MOBP: variants seen among roughly 807,000 people sequenced by gnomAD.
MOBP encodes the protein myelin-associated oligodendrocyte basic protein.
In MOBP, 5 loss-of-function variants were observed where a neutral mutation model predicts 15.0. The ratio of observed to expected loss-of-function variants is 0.33; its 90% CI spans 0.17 to 0.70. The LOEUF is 0.70. Among genes scored for constraint, MOBP ranks in the 30% least tolerant of loss-of-function variants. MOBP has a pLI of 0.67. For synonymous variants in MOBP, 88 were observed against 99.0 expected, an observed-to-expected ratio of 0.89 and a Z score of 0.66; for missense variants, 188 against 257.8, an observed-to-expected ratio of 0.73 and a Z score of 1.85.
At chr3:39,507,247 GTTC>G (rs1386788724), downstream of MOBP, among the ~76,000 whole-genome samples, 4 of 152,144 alleles carry the variant, frequency 2.6e-5, no homozygotes, top group East Asian at 1.9e-4. Context: ...TACAAAACTT[GTTC>G]TTCTTTTTGT....
At chr3:39,500,128 G>A (rs1007558192) in intron 2 of MOBP, 2 of 453,944 alleles carry the variant, frequency 4.4e-6, no homozygotes, top group African/African-American at 4.0e-5. Context: ...TCAGTGACTT[G>A]TACTTATTTG....
downstream of MOBP, among the ~76,000 whole-genome samples, chr3:39,506,193 A>G (rs958072958): frequency 2.0e-5 from 3 of 151,976 alleles, no homozygotes; most frequent in Admixed American, 6.6e-5. Flanking sequence ...GCTCTCTCAT[A>G]TTGACTGTTT....
exon 5 of MOBP, chr3:39,515,596 C>T (rs1466266154): frequency 6.6e-6 from 1 of 152,114 alleles, no homozygotes; most frequent in Non-Finnish European, 1.5e-5. Context: ...ACTTTCTTGC[C>T]TTCTTTCTAT....
chr3:39,521,729 T>C (rs2043269359), intron 3 of MOBP, among the ~76,000 whole-genome samples: 1 of 150,830 alleles, frequency 6.6e-6, no homozygotes, highest in Non-Finnish European at 1.5e-5. Flanking sequence ...GACTCAAAAA[T>C]GAAAATGTCC....
At chr3:39,522,421 A>G (rs1289469391) in intron 3 of MOBP, among the ~76,000 whole-genome samples, 4 of 152,160 alleles carry the variant, frequency 2.6e-5, no homozygotes, top group Non-Finnish European at 5.9e-5. Context: ...CCATGGCTTT[A>G]CACCTTGATG....
At chr3:39,494,515 T>G (rs1048659009) in intron 2 of MOBP, among the ~76,000 whole-genome samples, 1 of 152,164 alleles carries the variant, frequency 6.6e-6, no homozygotes, top group African/African-American at 2.4e-5. Context: ...TTATCTTTGC[T>G]TGCAATTAGG....
At chr3:39,476,330 T>G in intron 1 of MOBP, among the ~76,000 whole-genome samples, 1 of 152,226 alleles carries the variant, frequency 6.6e-6, no homozygotes, top group East Asian at 1.9e-4. Context: ...AAACCATATC[T>G]GGTGTATTTC....
chr3:39,518,721 C>T (rs2043230671), downstream of MOBP, among the ~76,000 whole-genome samples: 1 of 152,174 alleles, frequency 6.6e-6, no homozygotes, highest in African/African-American at 2.4e-5. Context: ...GTTGGGCAGT[C>T]ATTCAGAGAA....
chr3:39,491,750 GTT>G (rs2042798451), intron 2 of MOBP, among the ~76,000 whole-genome samples: 1 of 152,126 alleles, frequency 6.6e-6, no homozygotes, highest in South Asian at 2.1e-4. Context: ...AGAAAGAAGA[GTT>G]TTTCTAGCCA....
At chr3:39,504,989 A>G (rs1213114880), downstream of MOBP, among the ~76,000 whole-genome samples, 2 of 152,386 alleles carry the variant, frequency 1.3e-5, no homozygotes, top group East Asian at 3.9e-4. Flanking sequence ...AAACCAGAGA[A>G]TGATTTAATC....
At chr3:39,513,489 C>T (rs538695337) in exon 5 of MOBP, 2 of 1,482,400 alleles carry the variant, frequency 1.3e-6, no homozygotes, top group African/African-American at 2.8e-5. Flanking sequence ...AACCCATCTA[C>T]CCCTGGATGA....
downstream of MOBP, among the ~76,000 whole-genome samples, chr3:39,516,990 C>G (rs570524051): frequency 3.0e-4 from 45 of 152,272 alleles, no homozygotes; most frequent in African/African-American, 1.0e-3. Flanking sequence ...TGGAGGGGCC[C>G]TGGGAGGGCT....
At position 39,502,914 on chromosome 3, in the gene MOBP, G is replaced by C; in HGVS notation, c.*34G>C. 3.1e-6 allele frequency: 3 copies of C among 974,768 alleles called. No individual in the cohort carries two copies. The highest frequency in any genetic ancestry group is 1.5e-6 in the Non-Finnish European group (1 of 674,588). The allele number at this position is 974,768 out of a possible 1,614,324, so 60.4% of individuals were successfully genotyped here. A position where few individuals can be genotyped will look rare whatever the true frequency, so the allele number is the denominator to read the frequency against. ...CTTCCCTTTTGTTCCCCAGCCCTAA[G>C]GTTAGTAGTTGCTTCCTGTGTTTAC... On this transcript the variant is annotated 3_prime_UTR_variant, in exon 4 of 4. Coordinates refer to ENST00000684792, the MANE Select transcript of MOBP (RefSeq NM_001393704.1). This position sits in a 1 kb window ranked among gnomAD's most constrained non-coding sequence, Gnocchi z 6.3.
Position 39,502,926 on chromosome 3 carries a change from C to A in MOBP, c.*46C>A. 3.4e-6 allele frequency: 3 copies of A among 890,914 alleles called. No homozygotes were observed. The highest frequency in any genetic ancestry group is 5.0e-6 in the Non-Finnish European group (3 of 599,388). The allele number at this position is 890,914 out of a possible 1,614,324, so 55.2% of individuals were successfully genotyped here. On this transcript the variant is annotated 3_prime_UTR_variant, in exon 4 of 4. Coordinates refer to ENST00000684792, the MANE Select transcript of MOBP (RefSeq NM_001393704.1). This position sits in a 1 kb window ranked among gnomAD's most constrained non-coding sequence, Gnocchi z 6.3. ...TCCCCAGCCCTAAGGTTAGTAGTTG[C>A]TTCCTGTGTTTACTAACACCGGGCT...
chr3:39,486,089 A>G (rs2042703699), intron 2 of MOBP, among the ~76,000 whole-genome samples: 1 of 152,176 alleles, frequency 6.6e-6, no homozygotes, highest in Non-Finnish European at 1.5e-5. Flanking sequence ...TAGTTTATAA[A>G]AGAGTCTCTA....
chr3:39,524,008 G>A (rs991554317), intron 3 of MOBP, among the ~76,000 whole-genome samples: 1 of 152,114 alleles, frequency 6.6e-6, no homozygotes, highest in African/African-American at 2.4e-5. Flanking sequence ...ATAATCTAAA[G>A]GTTTAGCACA....
chr3:39,502,601 CA>C lies in MOBP; in HGVS notation c.274del (p.Arg92GlufsTer136), dbSNP rs1270451281. 1 of 1,565,210 alleles carries C rather than the reference CA, an allele frequency of 6.4e-7. No homozygotes were observed. The highest frequency in any genetic ancestry group is 1.4e-5 in the African/African-American group (1 of 73,992). Reference protein sequence around the residue: ...QQPAAPPAVVRAPAKPRSPPR... With the variant: ...QQPAAPPAVVXAPAKPRSPPR... ...AGCCAGCTGCGCCCCCCGCGGTGGT[CA>C]GAGCGCCAGCCAAGCCACGGTCCCC... On this transcript the variant is annotated frameshift_variant, in exon 4 of 4. Coordinates refer to ENST00000684792, the MANE Select transcript of MOBP (RefSeq NM_001393704.1). LOFTEE classifies it high-confidence loss of function. The surrounding 1 kb of genome is among the most constrained non-coding windows in gnomAD (Gnocchi z 6.3).
chr3:39,477,153 C>A (rs1460204927), intron 1 of MOBP, among the ~76,000 whole-genome samples: 1 of 152,164 alleles, frequency 6.6e-6, no homozygotes, highest in East Asian at 1.9e-4. Flanking sequence ...CAAGGTCTCA[C>A]AGTGTCTCCT....
chr3:39,470,649 A>G (rs1424440399), intron 1 of MOBP, among the ~76,000 whole-genome samples: 1 of 152,222 alleles, frequency 6.6e-6, no homozygotes, highest in Non-Finnish European at 1.5e-5. Context: ...AATTTTTATT[A>G]ATGGTATAAA....
Sources: allele counts gnomAD v4.1 joint callset (sites outside exome capture counted in the v4.1 genomes callset), GRCh38; gene constraint gnomAD v4.1.1; non-coding constraint Gnocchi (gnomAD v3.1); transcripts MANE v1.5; gene names NCBI Gene and HGNC (gene_info 2026-07-23, HGNC 2026-07-21).